Variants in CSMD1 observed in about 807,000 individuals in gnomAD.
The protein encoded by CSMD1 is CUB and sushi domain-containing protein 1.
CSMD1 carries 213 observed loss-of-function variants against 417.5 expected under a neutral mutation model. That is an observed-to-expected ratio of 0.51 (90% CI 0.46 to 0.57). CSMD1 has a LOEUF of 0.57. Ranked by LOEUF, CSMD1 falls within the 20% of genes least tolerant of loss-of-function variation. The pLI is 0.00. For synonymous variants in CSMD1, 2,862 were observed against 1,736.8 expected (o/e 1.65, Z -16.11); for missense variants, 6,923 against 4,529.7 (o/e 1.53, Z -15.17).
intron 10 of CSMD1, among the ~76,000 whole-genome samples, chr8:3,512,600 C>CTT (rs760320227): frequency 2.0e-4 from 25 of 127,686 alleles, no homozygotes; most frequent in African/African-American, 5.4e-4. Context: ...TAATTTTTTT[C>CTT]TTTTTTTTTT....
intron 4 of CSMD1, among the ~76,000 whole-genome samples, chr8:4,012,372 C>T (rs149879723): frequency 6.6e-6 from 1 of 152,146 alleles, no homozygotes; most frequent in Non-Finnish European, 1.5e-5. Context: ...TACATTCATT[C>T]ATTGCCTTGT....
intron 1 of CSMD1, among the ~76,000 whole-genome samples, chr8:4,852,192 C>A (rs371814840): frequency 1.1e-4 from 16 of 152,290 alleles, no homozygotes; most frequent in East Asian, 5.8e-4. Flanking sequence ...TAACAGTAAA[C>A]ATACTTATAT....
chr8:3,439,122 C>CAAAAAAAAAAAAAAA lies in CSMD1; in HGVS notation c.1562-29532_1562-29518dup, dbSNP rs1158997352. Among the ~76,000 whole-genome samples, 3 of 2,492 alleles carry CAAAAAAAAAAAAAAA rather than the reference C, an allele frequency of 1.2e-3. 1 individual carries two copies. The highest frequency in any genetic ancestry group is 5.7e-4 in the Non-Finnish European group (1 of 1,744). The allele number at this position is 2,492 out of a possible 152,430, so 1.6% of individuals were successfully genotyped here. ...TGGGTGACAGAGCAAGACTCCATCT[C>CAAAAAAAAAAAAAAA]AAAAAAAAAAAAAAAAAAAAAAAAA... is the stretch of plus-strand genomic sequence containing the variant. On this transcript the variant is annotated intron_variant, in intron 12 of 69. Coordinates refer to ENST00000635120, the MANE Select transcript of CSMD1 (RefSeq NM_033225.6).
intron 5 of CSMD1, among the ~76,000 whole-genome samples, chr8:3,825,142 T>G (rs1405273811): frequency 6.6e-6 from 1 of 151,970 alleles, no homozygotes; most frequent in African/African-American, 2.4e-5. Flanking sequence ...ACAGGGGAGA[T>G]TTCTCATTCT....
intron 30 of CSMD1, among the ~76,000 whole-genome samples, chr8:3,206,022 A>G (rs1251931717): frequency 2.0e-5 from 3 of 152,154 alleles, no homozygotes; most frequent in Non-Finnish European, 4.4e-5. Flanking sequence ...TATCACTTTT[A>G]TATTAATATG....
At chr8:3,608,238 G>A (rs1036949858) in intron 8 of CSMD1, among the ~76,000 whole-genome samples, 2 of 151,872 alleles carry the variant, frequency 1.3e-5, no homozygotes, top group African/African-American at 2.4e-5. Context: ...GGTGCCACCT[G>A]CAGAGGAGGT....
Position 4,669,397 on chromosome 8 carries a change from TTCTCCTCA to T in CSMD1, c.86-31847_86-31840del, listed in dbSNP as rs1765622446. Among the ~76,000 whole-genome samples the T allele has an allele frequency of 3.9e-5, 6 of 152,238 alleles. 1 individual carries two copies. The highest frequency in any genetic ancestry group is 3.9e-4 in the Admixed American group (6 of 15,276). On this transcript the variant is annotated intron_variant, in intron 1 of 69. Transcript: ENST00000635120. ...GATTTTTGGTAATCATACAAATGAT[TTCTCCTCA>T]TTTGAGAAAATAGTTGTAGTTTTGT... is the stretch of plus-strand genomic sequence containing the variant.
chr8:3,055,947 T>C (rs1268368882), intron 49 of CSMD1, among the ~76,000 whole-genome samples: 1 of 152,200 alleles, frequency 6.6e-6, no homozygotes, highest in Non-Finnish European at 1.5e-5. Flanking sequence ...AATGAAATCA[T>C]CCTTACAAAA....
chr8:4,608,635 A>G (rs986164178), intron 2 of CSMD1, among the ~76,000 whole-genome samples: 2 of 152,224 alleles, frequency 1.3e-5, no homozygotes, highest in African/African-American at 4.8e-5. Context: ...AATGCCCGCC[A>G]TACATTTTTA....
intron 11 of CSMD1, among the ~76,000 whole-genome samples, chr8:3,479,706 T>C (rs925204778): frequency 6.6e-6 from 1 of 152,046 alleles, no homozygotes; most frequent in African/African-American, 2.4e-5. Flanking sequence ...ACAAAAGAGC[T>C]GGGACACAAT....
At chr8:3,580,468 T>C (rs1800335808) in intron 9 of CSMD1, among the ~76,000 whole-genome samples, 2 of 152,116 alleles carry the variant, frequency 1.3e-5, no homozygotes, top group Admixed American at 6.5e-5. Flanking sequence ...CCTGGCAAGC[T>C]CTAGGAATGT....
At chr8:4,188,788 A>G (rs1044231299) in intron 3 of CSMD1, among the ~76,000 whole-genome samples, 1 of 130,494 alleles carries the variant, frequency 7.7e-6, no homozygotes, top group African/African-American at 2.9e-5. Flanking sequence ...AGATAAAGAA[A>G]CTCCAGGATG....
At chr8:4,857,606 C>T (rs900610660) in intron 1 of CSMD1, among the ~76,000 whole-genome samples, 4 of 152,108 alleles carry the variant, frequency 2.6e-5, no homozygotes, top group African/African-American at 9.7e-5. Flanking sequence ...CACAGAAATA[C>T]AAACTACCAA....
intron 26 of CSMD1, among the ~76,000 whole-genome samples, chr8:3,277,390 C>T (rs564455485): frequency 5.0e-4 from 76 of 152,230 alleles, no homozygotes; most frequent in East Asian, 3.1e-3. Context: ...GAAGGAAGCC[C>T]GTGAGCAAGG....
At chr8:2,940,058 C>G (rs774985759) in intron 69 of CSMD1, among the ~76,000 whole-genome samples, 1 of 152,188 alleles carries the variant, frequency 6.6e-6, no homozygotes, top group East Asian at 1.9e-4. Context: ...AAGCAACAGA[C>G]TCAGAAATGA....
At chr8:3,747,360 T>A (rs533331796) in intron 6 of CSMD1, among the ~76,000 whole-genome samples, 2 of 149,126 alleles carry the variant, frequency 1.3e-5, no homozygotes, top group Non-Finnish European at 3.0e-5. Flanking sequence ...TTGGAAGAGA[T>A]TGTTCTGATC....
chr8:4,798,028 T>C (rs953481010), intron 1 of CSMD1, among the ~76,000 whole-genome samples: 13 of 152,238 alleles, frequency 8.5e-5, no homozygotes, highest in African/African-American at 3.1e-4. Flanking sequence ...ATTTTTTTAT[T>C]ATACTTTAAG....
At chr8:3,176,847 T>C (rs1048080591) in intron 37 of CSMD1, among the ~76,000 whole-genome samples, 1 of 151,434 alleles carries the variant, frequency 6.6e-6, no homozygotes, top group Admixed American at 6.6e-5. Flanking sequence ...GGTGCAATCA[T>C]GGCTGTCTGT....
intron 1 of CSMD1, among the ~76,000 whole-genome samples, chr8:4,966,210 A>AG (rs1809847368): frequency 2.1e-5 from 1 of 48,002 alleles, no homozygotes; most frequent in South Asian, 7.8e-4. Context: ...CTAAATATAC[A>AG]AAAAAAAAAA....
Sources: allele counts gnomAD v4.1 joint callset (sites outside exome capture counted in the v4.1 genomes callset), GRCh38; gene constraint gnomAD v4.1.1; transcripts MANE v1.5; gene names NCBI Gene and HGNC (gene_info 2026-07-23, HGNC 2026-07-21).